MPP2: variants seen among roughly 807,000 people sequenced by gnomAD.
MPP2 encodes the protein MAGUK p55 scaffold protein 2.
A neutral mutation model predicts 58.5 loss-of-function variants in MPP2; 42 were observed. The ratio of observed to expected loss-of-function variants is 0.72; its 90% confidence interval spans 0.56 to 0.93. MPP2 has a LOEUF of 0.93. Among genes scored for constraint, MPP2 ranks in the 40% least tolerant of loss-of-function variants. The pLI is 0.00. For synonymous variants in MPP2, 300 were observed against 307.8 expected (o/e 0.97, Z 0.26); for missense variants, 632 against 760.4 (o/e 0.83, Z 1.99).
At chr17:43,900,746 G>A (rs1351671607) in intron 2 of MPP2, 3 of 995,870 alleles carry the variant, frequency 3.0e-6, no homozygotes, top group Non-Finnish European at 4.1e-6. Context: ...GCGCGGTGCA[G>A]AGCAGGCGGT....
chr17:43,881,501 T>G lies in MPP2; in HGVS notation c.770A>C (p.Asp257Ala), dbSNP rs1183634080. 1 of 1,613,730 alleles carries G rather than the reference T, an allele frequency of 6.2e-7. No homozygotes were observed. The highest frequency in any genetic ancestry group is 1.7e-5 in the Admixed American group (1 of 59,980). The change falls in exon 7 of 13, where the codon GAC becomes GCC. Residue 257 changes from aspartate to alanine, a missense_variant. Coordinates refer to ENST00000269095, the MANE Select transcript of MPP2 (RefSeq NM_005374.5). ...KEAGLRFNAG[D>A]LLQIVNQDDA... ...ATCCTGGTTTACGATCTGGAGCAAG[T>G]CCCCGGCGTTGAAGCGCAGGCCTGC...
chr17:43,883,098 G>T (rs1597766660), intron 4 of MPP2, 46 bp from the exon 5 acceptor site: 1 of 1,576,276 alleles, frequency 6.3e-7, no homozygotes. Context: ...AGTGTCCCGG[G>T]TCTCTTCCCA....
At chr17:43,890,408 GT>G (rs1416301445) in intron 3 of MPP2, among the ~76,000 whole-genome samples, 2 of 152,162 alleles carry the variant, frequency 1.3e-5, no homozygotes, top group African/African-American at 4.8e-5. Context: ...GACACAGCTA[GT>G]TTATAGTGGC....
intron 4 of MPP2, 75 bp from the exon 5 acceptor site, chr17:43,883,127 G>A (rs200325402): frequency 6.4e-7 from 1 of 1,555,994 alleles, no homozygotes; most frequent in Non-Finnish European, 8.7e-7. Context: ...CCAACTTCCT[G>A]CTGGCCCATC....
At chr17:43,881,037 G>A in intron 9 of MPP2, 53 bp downstream of exon 9, 5 of 1,596,912 alleles carry the variant, frequency 3.1e-6, no homozygotes, top group Non-Finnish European at 4.3e-6. Flanking sequence ...TGGGGACAGG[G>A]AAAGGCATGC....
In MPP2 at chr17:43,877,858, C is replaced by T. The variant is rs2046913309; in HGVS notation, c.1608G>A (p.Met536Ile). The T allele has an allele frequency of 1.2e-6, 2 of 1,613,976 alleles. No individual in the cohort carries two copies. Among genetic ancestry groups the T allele is most frequent in the Non-Finnish European group, 1.7e-6 (2 of 1,179,964 alleles). Residue 536 changes from methionine to isoleucine, a missense_variant, in exon 13 of 13, where the codon ATG becomes ATA. By Grantham distance (10) the Met-to-Ile change is conservative. Coordinates refer to ENST00000269095, the MANE Select transcript of MPP2 (RefSeq NM_005374.5). Reference sequence around the variant, plus strand: ...ACTGGGGCTCTGTCCGTAGCTTCTCCATGGCTGTCTGGAGCTCGCGGAAGG... The same window carrying T: ...ACTGGGGCTCTGTCCGTAGCTTCTCTATGGCTGTCTGGAGCTCGCGGAAGG... The part of the protein sequence containing the change: ...ERTFRELQTA[M>I]EKLRTEPQWV...
intron 3 of MPP2, among the ~76,000 whole-genome samples, chr17:43,896,438 CT>C (rs1239756668): frequency 6.6e-6 from 1 of 152,096 alleles, no homozygotes; most frequent in African/African-American, 2.4e-5. Context: ...TGACCTTGGT[CT>C]TTTTCTCTTC....
At chr17:43,885,777 T>C (rs975902627) in intron 3 of MPP2, among the ~76,000 whole-genome samples, 3 of 152,154 alleles carry the variant, frequency 2.0e-5, no homozygotes, top group African/African-American at 7.2e-5. Context: ...CTGGGTACAG[T>C]GTATACTGCT....
intron 3 of MPP2, among the ~76,000 whole-genome samples, chr17:43,896,786 C>T (rs2047865330): frequency 6.6e-6 from 1 of 152,172 alleles, no homozygotes; most frequent in Admixed American, 6.5e-5. Flanking sequence ...TCTGAATCTT[C>T]CTGCTCCATC....
chr17:43,904,801 TATAA>T (rs1467377827), intron 1 of MPP2, among the ~76,000 whole-genome samples: 3 of 152,318 alleles, frequency 2.0e-5, no homozygotes, highest in Non-Finnish European at 4.4e-5. Context: ...AAAATAAGTA[TATAA>T]ATAAAGTGTT....
intron 2 of MPP2, among the ~76,000 whole-genome samples, chr17:43,903,869 T>G (rs2143793237): frequency 6.6e-6 from 1 of 152,346 alleles, no homozygotes; most frequent in South Asian, 2.1e-4. Context: ...CTAGTTTGTC[T>G]GAGTGGCCCA....
intron 2 of MPP2, among the ~76,000 whole-genome samples, chr17:43,902,726 G>T (rs2048143945): frequency 6.6e-6 from 1 of 152,274 alleles, no homozygotes; most frequent in African/African-American, 2.4e-5. Context: ...GGCAGTAGTG[G>T]GGCCTAGAGC....
rs772606038 is a variant in MPP2, at chr17:43,898,290, T to C, written c.122A>G (p.Glu41Gly). 3.7e-6 allele frequency: 6 copies of C among 1,614,172 alleles called. No individual in the cohort carries two copies. Among genetic ancestry groups the C allele is most frequent in the African/African-American group, 2.7e-5 (2 of 75,044 alleles). ...GGCCAGGGATCTTACTATGGGACTT[T>C]CCATAATGCCTCGAAGGAAGATCAG... ...LDLIFLRGIM[E>G]SPIVRSLAKA... Residue 41 changes from glutamate to glycine, a missense_variant, in exon 3 of 13, where the codon GAA becomes GGA. Physicochemically the swap from Glu to Gly is moderately conservative, Grantham distance 98. Transcript: ENST00000269095.
intron 3 of MPP2, among the ~76,000 whole-genome samples, chr17:43,887,301 T>C (rs984479103): frequency 3.5e-4 from 54 of 152,288 alleles, no homozygotes; most frequent in African/African-American, 1.0e-3. Flanking sequence ...GAAGGATCAC[T>C]TGAACCCAGG....
intron 2 of MPP2, among the ~76,000 whole-genome samples, chr17:43,898,810 C>A (rs1231710972): frequency 1.3e-5 from 2 of 152,094 alleles, no homozygotes; most frequent in Admixed American, 1.3e-4. Flanking sequence ...ACTAAAAATA[C>A]CAAAATTAGC....
At chr17:43,881,046 G>A in intron 9 of MPP2, 44 bp downstream of exon 9, 1 of 1,600,878 alleles carries the variant, frequency 6.2e-7, no homozygotes, top group South Asian at 1.1e-5. Flanking sequence ...GGAAAGGCAT[G>A]CCATGTTAGA....
intron 7 of MPP2, 24 bp downstream of exon 7, chr17:43,881,434 G>T (rs755718411): frequency 1.9e-6 from 3 of 1,613,946 alleles, no homozygotes; most frequent in Non-Finnish European, 2.5e-6. Context: ...TACCTGGAGA[G>T]ATGCGGGGGT....
intron 2 of MPP2, among the ~76,000 whole-genome samples, chr17:43,899,012 G>A (rs1246596547): frequency 2.6e-5 from 4 of 151,586 alleles, no homozygotes; most frequent in African/African-American, 4.9e-5. Context: ...TTGGGAGGCC[G>A]AAGCGGGTGG....
intron 6 of MPP2, 115 bp downstream of exon 6, chr17:43,882,169 C>A (rs1400172694): frequency 1.9e-6 from 2 of 1,026,520 alleles, no homozygotes; most frequent in Non-Finnish European, 2.9e-6. Flanking sequence ...GCAGGTCCCA[C>A]CCCCATCTTC....
Sources: gnomAD v4.1 joint callset for allele counts (sites outside exome capture counted in the v4.1 genomes callset) on GRCh38, gnomAD v4.1.1 for gene constraint, MANE v1.5 for transcripts, NCBI Gene and HGNC (gene_info 2026-07-23, HGNC 2026-07-21) for gene names.